AP2A2: variants seen among roughly 807,000 people sequenced by gnomAD.
AP2A2 encodes adaptor related protein complex 2 subunit alpha 2.
AP2A2 carries 32 observed loss-of-function variants against 104.2 expected under a neutral mutation model. That is an observed-to-expected ratio of 0.31 (90% CI 0.23 to 0.41). The LOEUF (loss-of-function observed/expected upper bound fraction) is 0.41, where lower values mean the gene tolerates loss of function less well. Among genes scored for constraint, AP2A2 ranks in the 10% least tolerant of loss-of-function variants. The probability of loss-of-function intolerance (pLI) is 1.00; values close to 1 mark genes in which losing one functional copy is unlikely to be tolerated. For missense variants in AP2A2, 912 were observed against 1,261.0 expected (o/e 0.72, Z 4.19); for synonymous variants, 539 against 533.3 (o/e 1.01, Z -0.15).
intron 9 of AP2A2, among the ~76,000 whole-genome samples, chr11:988,152 G>C (rs529807014): frequency 4.3e-4 from 65 of 152,352 alleles, no homozygotes; most frequent in Admixed American, 3.4e-3. Flanking sequence ...GGGGTGGGGC[G>C]TGAGGACCTG....
At chr11:979,294 C>G (rs931824340) in intron 5 of AP2A2, among the ~76,000 whole-genome samples, 17 of 151,278 alleles carry the variant, frequency 1.1e-4, no homozygotes, top group Middle Eastern at 3.4e-3. Context: ...GGGAATGACT[C>G]TGCCCTCATG....
chr11:957,231 C>T (rs966293038), intron 1 of AP2A2, among the ~76,000 whole-genome samples: 3 of 152,172 alleles, frequency 2.0e-5, no homozygotes, highest in East Asian at 1.9e-4. Flanking sequence ...GGGCCATGGC[C>T]GCTCCATGTC....
At chr11:953,789 C>T (rs576148610) in intron 1 of AP2A2, among the ~76,000 whole-genome samples, 1 of 152,056 alleles carries the variant, frequency 6.6e-6, no homozygotes, top group Admixed American at 6.6e-5. Flanking sequence ...GCTCTCCTGT[C>T]CTCAGGTCTG....
chr11:950,695 C>T (rs1221605982), intron 1 of AP2A2, among the ~76,000 whole-genome samples: 1 of 151,906 alleles, frequency 6.6e-6, no homozygotes, highest in Non-Finnish European at 1.5e-5. Context: ...GAAATGGCAA[C>T]CTGAGAATGA....
At chr11:973,596 C>G (rs946810093) in intron 4 of AP2A2, among the ~76,000 whole-genome samples, 1 of 151,960 alleles carries the variant, frequency 6.6e-6, no homozygotes, top group Non-Finnish European at 1.5e-5. Context: ...TCAGGCCATT[C>G]AGTCATAGGT....
At chr11:947,002 T>C (rs1401316369) in intron 1 of AP2A2, 1 of 97,570 alleles carries the variant, frequency 1.0e-5, no homozygotes, top group Non-Finnish European at 2.0e-5. Flanking sequence ...CCTGTCTTTT[T>C]TTCTTTTCTT....
intron 4 of AP2A2, among the ~76,000 whole-genome samples, chr11:976,684 T>G (rs1342679675): frequency 6.8e-6 from 1 of 147,856 alleles, no homozygotes. Context: ...GGGTGGGGCG[T>G]GGTGGGGTGA....
chr11:986,734 T>C, intron 8 of AP2A2, 51 bp from the exon 9 acceptor site: 1 of 1,591,628 alleles, frequency 6.3e-7, no homozygotes, highest in Non-Finnish European at 8.5e-7. Context: ...CTGTCCAGTT[T>C]GTGTTGCACT....
intron 2 of AP2A2, among the ~76,000 whole-genome samples, chr11:962,151 G>T (rs1451156111): frequency 4.5e-5 from 6 of 132,244 alleles, no homozygotes; most frequent in Admixed American, 4.4e-4. Context: ...CTCTCAACCT[G>T]GGGGAGCCGG....
At chr11:965,692 A>G (rs1589973433) in intron 2 of AP2A2, among the ~76,000 whole-genome samples, 1 of 152,348 alleles carries the variant, frequency 6.6e-6, no homozygotes, top group East Asian at 1.9e-4. Flanking sequence ...GCTGACCTGC[A>G]GACGCATGGG....
At chr11:994,921 TC>T (rs1855800539) in intron 14 of AP2A2, among the ~76,000 whole-genome samples, 1 of 124,350 alleles carries the variant, frequency 8.0e-6, no homozygotes, top group Non-Finnish European at 1.8e-5. Flanking sequence ...CCCTGGCCTG[TC>T]CTGGGGGCCA....
At chr11:940,500 C>T (rs1212771232) in intron 1 of AP2A2, among the ~76,000 whole-genome samples, 1 of 152,088 alleles carries the variant, frequency 6.6e-6, no homozygotes, top group African/African-American at 2.4e-5. Context: ...CAAGTTTGTC[C>T]TCTAGCCCTT....
chr11:961,116 G>A (rs1207972056), intron 2 of AP2A2, among the ~76,000 whole-genome samples: 1 of 152,210 alleles, frequency 6.6e-6, no homozygotes, highest in Admixed American at 6.5e-5. Context: ...GGGTCTGACA[G>A]TCACCACCAC....
intron 1 of AP2A2, among the ~76,000 whole-genome samples, chr11:951,090 T>G (rs1423125850): frequency 6.9e-6 from 1 of 145,372 alleles, no homozygotes; most frequent in Non-Finnish European, 1.5e-5. Flanking sequence ...AGACTGCATC[T>G]CAAAAAAAAA....
chr11:988,825 G>T, intron 10 of AP2A2, 136 bp downstream of exon 10: 2 of 1,171,506 alleles, frequency 1.7e-6, no homozygotes, highest in Non-Finnish European at 2.4e-6. Flanking sequence ...AGGCTCCTCT[G>T]CCTCTGTGTT....
At chr11:991,668 T>C (rs1433796534) in intron 10 of AP2A2, among the ~76,000 whole-genome samples, 1 of 145,888 alleles carries the variant, frequency 6.9e-6, no homozygotes, top group Admixed American at 6.8e-5. Context: ...CGGAGTCAGG[T>C]TGGGGTTTGG....
intron 1 of AP2A2, 43 bp downstream of exon 1, chr11:926,131 G>A (rs751572602): frequency 4.1e-6 from 5 of 1,219,266 alleles, no homozygotes; most frequent in Non-Finnish European, 5.2e-6. Context: ...GGGGCCGCCG[G>A]CGGAGACGGG....
intron 1 of AP2A2, chr11:932,792 CT>C: frequency 2.2e-6 from 1 of 455,806 alleles, no homozygotes; most frequent in Middle Eastern, 3.3e-4. Context: ...GGATCACTTT[CT>C]TTTATGACAA....
At position 1,009,730 on chromosome 11, in the gene AP2A2, T is replaced by C. The variant is rs1856357542; in HGVS notation, c.2655T>C (p.Pro885=). The C allele has an allele frequency of 6.4e-7, 1 of 1,561,456 alleles. No individual in the cohort carries two copies. Among genetic ancestry groups the C allele is most frequent in the African/African-American group, 1.4e-5 (1 of 73,776 alleles). ...SALLEEVDPN[P]ANFVGAGIIH... is the part of the protein sequence containing the mutation. ...TTCTTGAAGAAGTTGATCCTAATCCTGCGAATTTCGTGGGAGCTGGAATCA... is the reference window on the plus strand; with the variant it reads ...TTCTTGAAGAAGTTGATCCTAATCCCGCGAATTTCGTGGGAGCTGGAATCA... The change falls in exon 21 of 22, where the codon CCT becomes CCC. Residue 885 remains proline (P), a synonymous_variant. Transcript: ENST00000448903.
Sources: allele counts gnomAD v4.1 joint callset (sites outside exome capture counted in the v4.1 genomes callset), GRCh38; gene constraint gnomAD v4.1.1; transcripts MANE v1.5; gene names NCBI Gene and HGNC (gene_info 2026-07-23, HGNC 2026-07-21).